The following SWAP70 variants were observed in gnomAD, a reference collection of about 807,000 sequenced individuals.
The protein encoded by SWAP70 is switch-associated protein 70.
SWAP70 carries 34 observed loss-of-function variants against 80.2 expected under a neutral mutation model. That is an observed-to-expected ratio of 0.42 (90% confidence interval 0.32 to 0.56). The LOEUF is 0.56. SWAP70 is among the 20% of genes least tolerant of loss of function. The pLI is 0.09. For missense variants in SWAP70, 578 were observed against 690.7 expected (o/e 0.84, Z 1.83); for synonymous variants, 239 against 238.5 (o/e 1.00, Z -0.02).
intron 3 of SWAP70, among the ~76,000 whole-genome samples, chr11:9,714,929 G>A (rs910602395): frequency 9.5e-5 from 14 of 147,128 alleles, no homozygotes; most frequent in African/African-American, 2.0e-4. Flanking sequence ...TCTGCACCCC[G>A]CGGAGTAGCT....
At chr11:9,691,237 G>C (rs1042492837) in intron 1 of SWAP70, among the ~76,000 whole-genome samples, 1 of 152,188 alleles carries the variant, frequency 6.6e-6, no homozygotes, top group East Asian at 1.9e-4. Context: ...ATTTTTTGAA[G>C]AAGACTTCCC....
chr11:9,665,341 T>A (rs577314049), intron 1 of SWAP70, among the ~76,000 whole-genome samples: 1 of 152,334 alleles, frequency 6.6e-6, no homozygotes, highest in African/African-American at 2.4e-5. Context: ...TTCTCACTGA[T>A]AGAATCATAG....
chr11:9,747,234 A>C (rs1273799596), intron 9 of SWAP70, among the ~76,000 whole-genome samples: 1 of 152,194 alleles, frequency 6.6e-6, no homozygotes, highest in Non-Finnish European at 1.5e-5. Flanking sequence ...TCATTGCTTC[A>C]TCTGTAATGT....
chr11:9,672,195 C>CTATGTGTATATATATATA (rs530619499), intron 1 of SWAP70, among the ~76,000 whole-genome samples: 9 of 78,438 alleles, frequency 1.1e-4, no homozygotes, highest in Admixed American at 4.2e-4. Flanking sequence ...ATGTGTGTGT[C>CTATGTGTATATATATATA]TATATATATA....
chr11:9,743,227 A>G (rs1428699029), intron 9 of SWAP70, among the ~76,000 whole-genome samples: 5 of 146,752 alleles, frequency 3.4e-5, no homozygotes, highest in Non-Finnish European at 7.4e-5. Flanking sequence ...AAGGACATGA[A>G]CTCATCCTTT....
chr11:9,674,428 A>G (rs756666427), intron 1 of SWAP70, among the ~76,000 whole-genome samples: 1 of 152,154 alleles, frequency 6.6e-6, no homozygotes. Flanking sequence ...AGCTGGGTGC[A>G]GTGGCTCATG....
At chr11:9,676,836 G>A (rs1354106249) in intron 1 of SWAP70, among the ~76,000 whole-genome samples, 2 of 151,768 alleles carry the variant, frequency 1.3e-5, no homozygotes, top group Admixed American at 6.6e-5. Flanking sequence ...TATTTTTTTA[G>A]CAGAGACGGG....
intron 5 of SWAP70, among the ~76,000 whole-genome samples, chr11:9,729,062 C>T (rs1851261880): frequency 6.6e-6 from 1 of 152,146 alleles, no homozygotes; most frequent in Admixed American, 6.5e-5. Context: ...AGGATTCCTG[C>T]AAGGGAGGTG....
intron 9 of SWAP70, among the ~76,000 whole-genome samples, chr11:9,743,708 G>A (rs1245106757): frequency 1.3e-5 from 2 of 151,898 alleles, no homozygotes; most frequent in African/African-American, 2.4e-5. Flanking sequence ...CTTTTGAGAA[G>A]TGTCTGTTCA....
intron 2 of SWAP70, among the ~76,000 whole-genome samples, chr11:9,698,562 AC>A (rs1850791535): frequency 6.8e-6 from 1 of 147,946 alleles, no homozygotes; most frequent in Non-Finnish European, 1.5e-5. Flanking sequence ...GTGCCACGAC[AC>A]CTGGATAATT....
At chr11:9,694,950 A>G (rs907900800) in intron 2 of SWAP70, among the ~76,000 whole-genome samples, 3 of 152,158 alleles carry the variant, frequency 2.0e-5, no homozygotes, top group African/African-American at 7.2e-5. Flanking sequence ...CAGCAATTGC[A>G]TTACTGGGTA....
At chr11:9,671,024 A>C (rs1209300687) in intron 1 of SWAP70, among the ~76,000 whole-genome samples, 1 of 149,174 alleles carries the variant, frequency 6.7e-6, no homozygotes, top group Non-Finnish European at 1.5e-5. Context: ...AAGTGCTGGG[A>C]GTACAGGCGT....
At chr11:9,738,394 G>A (rs1397053247) in intron 8 of SWAP70, 74 bp downstream of exon 8, 8 of 1,098,058 alleles carry the variant, frequency 7.3e-6, no homozygotes, top group Non-Finnish European at 1.0e-5. Flanking sequence ...AAGGGCTGGA[G>A]GCTACAGTGA....
chr11:9,713,644 G>T lies in SWAP70; in HGVS notation c.414+5G>T. The T allele has an allele frequency of 6.2e-7, 1 of 1,609,192 alleles. No individual in the cohort carries two copies. Among genetic ancestry groups the T allele is most frequent in the South Asian group, 1.1e-5 (1 of 90,492 alleles). On this transcript the variant is annotated splice_donor_5th_base_variant and intron_variant, in intron 3 of 11. Transcript: ENST00000318950. ...TTAATTATTGTGTCAGAAGAGGTAA[G>T]GTGTGGCTTGGGGAGTTTTTACTTG... is the stretch of plus-strand genomic sequence containing the variant.
At chr11:9,744,663 T>C (rs1851488051) in intron 9 of SWAP70, among the ~76,000 whole-genome samples, 1 of 152,138 alleles carries the variant, frequency 6.6e-6, no homozygotes, top group Non-Finnish European at 1.5e-5. Context: ...ATCCCAGCAC[T>C]TTGGGAGGCT....
intron 1 of SWAP70, among the ~76,000 whole-genome samples, chr11:9,664,691 A>T (rs992040370): frequency 1.3e-5 from 2 of 152,182 alleles, no homozygotes; most frequent in African/African-American, 2.4e-5. Context: ...GGACTTGCCC[A>T]AGGTCGCTGG....
chr11:9,732,468 T>C, intron 6 of SWAP70, 61 bp from the exon 7 acceptor site: 1 of 1,496,764 alleles, frequency 6.7e-7, no homozygotes, highest in South Asian at 1.2e-5. Context: ...ATTTGCATAG[T>C]AGGCTTACAA....
At chr11:9,720,596 C>A in intron 3 of SWAP70, 1 of 539,448 alleles carries the variant, frequency 1.9e-6, no homozygotes, top group Non-Finnish European at 2.4e-6. Flanking sequence ...TGTGGCTATA[C>A]ACATGTGCTT....
intron 1 of SWAP70, among the ~76,000 whole-genome samples, chr11:9,692,488 T>G (rs1850709055): frequency 1.3e-5 from 2 of 151,952 alleles, no homozygotes; most frequent in South Asian, 4.1e-4. Context: ...ATGTTGGAGA[T>G]CTTTTCATAT....
Sources: allele counts gnomAD v4.1 joint callset (sites outside exome capture counted in the v4.1 genomes callset), GRCh38; gene constraint gnomAD v4.1.1; transcripts MANE v1.5; gene names NCBI Gene and HGNC (gene_info 2026-07-23, HGNC 2026-07-21).